Variants in NR5A2 observed in about 807,000 individuals in gnomAD.
NR5A2 encodes the protein nuclear receptor subfamily 5 group A member 2.
Under a neutral mutation model 62.7 loss-of-function variants are expected in NR5A2, and 26 were observed. The observed-to-expected ratio is 0.41, with a 90% CI of 0.30 to 0.58. NR5A2 has a LOEUF of 0.58. NR5A2 is among the 20% of genes least tolerant of loss of function. The pLI, the probability that NR5A2 is intolerant of heterozygous loss-of-function variation, is 0.22. For synonymous variants in NR5A2, 246 were observed against 241.7 expected (o/e 1.02, Z -0.16); for missense variants, 541 against 669.1 (o/e 0.81, Z 2.11).
At chr1:200,121,772 A>G (rs550202080) in intron 7 of NR5A2, among the ~76,000 whole-genome samples, 5 of 152,362 alleles carry the variant, frequency 3.3e-5, no homozygotes, top group East Asian at 3.9e-4. Flanking sequence ...CTTCCCTTGA[A>G]TGAAAAAAAT....
At chr1:200,068,584 A>G (rs952068651) in intron 5 of NR5A2, among the ~76,000 whole-genome samples, 7 of 152,272 alleles carry the variant, frequency 4.6e-5, no homozygotes, top group Admixed American at 3.3e-4. Flanking sequence ...TCTAAATTTT[A>G]TACAATTTAG....
chr1:200,073,804 C>T (rs1029297922), intron 5 of NR5A2, among the ~76,000 whole-genome samples: 4 of 152,098 alleles, frequency 2.6e-5, no homozygotes, highest in African/African-American at 9.7e-5. Context: ...AGGCACATTG[C>T]TAAGCAGCAG....
In NR5A2 at chr1:200,175,988, G is replaced by T. The variant is rs1052751768; in HGVS notation, c.*1778G>T. On this transcript the variant is annotated 3_prime_UTR_variant, in exon 8 of 8. Transcript: ENST00000367362. The stretch of plus-strand genomic sequence containing the variant: ...GTTTCTTGGTTTCACCTTTGTATAA[G>T]ATATAGCCAAGACTGAAGAAACCAA... 1 of 152,562 alleles carries T rather than the reference G, an allele frequency of 6.6e-6. No homozygotes were observed. Among genetic ancestry groups the T allele is most frequent in the African/African-American group, 2.4e-5 (1 of 41,430 alleles). The allele number at this position is 152,562 out of a possible 1,614,324, so 9.5% of individuals were successfully genotyped here. A position where few individuals can be genotyped will look rare whatever the true frequency, so the allele number is the denominator to read the frequency against.
chr1:200,142,063 A>G (rs546728804), intron 7 of NR5A2, among the ~76,000 whole-genome samples: 35 of 152,106 alleles, frequency 2.3e-4, no homozygotes, highest in African/African-American at 7.5e-4. Flanking sequence ...CTAGTTTTTA[A>G]GCTTTTTTCC....
chr1:200,043,211 A>G, intron 2 of NR5A2, among the ~76,000 whole-genome samples: 1 of 152,208 alleles, frequency 6.6e-6, no homozygotes, highest in East Asian at 1.9e-4. Context: ...AACAGATCTG[A>G]AAGTTGGGAG....
chr1:200,078,318 T>C (rs1187702155), intron 5 of NR5A2, among the ~76,000 whole-genome samples: 4 of 152,172 alleles, frequency 2.6e-5, no homozygotes, highest in Non-Finnish European at 5.9e-5. Context: ...GCTACCTTGC[T>C]TTAGAACAGG....
chr1:200,049,025 T>C (rs569708834), intron 5 of NR5A2, among the ~76,000 whole-genome samples: 3 of 152,158 alleles, frequency 2.0e-5, no homozygotes, highest in African/African-American at 7.2e-5. Flanking sequence ...AGCTCTTAGT[T>C]TGGGGGGGCT....
At chr1:200,042,969 T>G in intron 2 of NR5A2, 1 of 985,436 alleles carries the variant, frequency 1.0e-6, no homozygotes, top group Non-Finnish European at 1.2e-6. Context: ...TCTCGAGGTG[T>G]TTATATTTTG....
At chr1:200,156,023 A>C (rs1653367151) in intron 7 of NR5A2, among the ~76,000 whole-genome samples, 1 of 152,152 alleles carries the variant, frequency 6.6e-6, no homozygotes, top group Non-Finnish European at 1.5e-5. Context: ...CCCAAGATGA[A>C]AGCTTTATTA....
At chr1:200,111,660 T>A (rs1665962871) in intron 6 of NR5A2, among the ~76,000 whole-genome samples, 1 of 152,258 alleles carries the variant, frequency 6.6e-6, no homozygotes, top group African/African-American at 2.4e-5. Flanking sequence ...GACACTTGTT[T>A]GTCAGCTGTT....
intron 7 of NR5A2, among the ~76,000 whole-genome samples, chr1:200,123,613 T>A (rs1379802431): frequency 6.6e-6 from 1 of 152,204 alleles, no homozygotes; most frequent in Non-Finnish European, 1.5e-5. Context: ...AGTATAGCAG[T>A]GTTCTTAAGG....
chr1:200,168,991 T>TAACC (rs1654045145), intron 7 of NR5A2, among the ~76,000 whole-genome samples: 1 of 152,194 alleles, frequency 6.6e-6, no homozygotes, highest in Non-Finnish European at 1.5e-5. Context: ...AGAAGTATTT[T>TAACC]CTATGTGCAA....
chr1:200,056,623 T>A (rs1662927628), intron 5 of NR5A2, among the ~76,000 whole-genome samples: 1 of 152,140 alleles, frequency 6.6e-6, no homozygotes, highest in Non-Finnish European at 1.5e-5. Context: ...CAGTTTAAGC[T>A]CCCTGAAACT....
At chr1:200,125,110 A>T (rs1666645675) in intron 7 of NR5A2, among the ~76,000 whole-genome samples, 1 of 152,178 alleles carries the variant, frequency 6.6e-6, no homozygotes, top group African/African-American at 2.4e-5. Flanking sequence ...GCATTCTCCC[A>T]GTTTATGAGA....
At chr1:200,156,824 A>G (rs1352083350) in intron 7 of NR5A2, among the ~76,000 whole-genome samples, 2 of 152,238 alleles carry the variant, frequency 1.3e-5, no homozygotes, top group African/African-American at 2.4e-5. Flanking sequence ...TTCTGAGCAC[A>G]TTTAAGGCAG....
At chr1:200,164,463 A>G (rs75476124) in intron 7 of NR5A2, among the ~76,000 whole-genome samples, 188 of 152,240 alleles carry the variant, frequency 1.2e-3, no homozygotes, top group African/African-American at 4.3e-3. Context: ...ACTGACATAT[A>G]CATTACATTT....
intron 1 of NR5A2, among the ~76,000 whole-genome samples, chr1:200,035,350 G>C (rs994562667): frequency 6.6e-6 from 1 of 152,194 alleles, no homozygotes; most frequent in African/African-American, 2.4e-5. Context: ...ACCCAGGCGC[G>C]CGGGGAAAGA....
intron 5 of NR5A2, among the ~76,000 whole-genome samples, chr1:200,094,430 T>G (rs1291781718): frequency 6.6e-6 from 1 of 151,486 alleles, no homozygotes; most frequent in African/African-American, 2.4e-5. Flanking sequence ...AGCAGTCCAT[T>G]TTTTGCAACC....
At chr1:200,078,058 C>T (rs780296168) in intron 5 of NR5A2, among the ~76,000 whole-genome samples, 2 of 152,172 alleles carry the variant, frequency 1.3e-5, no homozygotes, top group East Asian at 3.9e-4. Flanking sequence ...AGTATCCTCA[C>T]GTTTCTGTGA....
Sources: allele counts gnomAD v4.1 joint callset (sites outside exome capture counted in the v4.1 genomes callset), GRCh38; gene constraint gnomAD v4.1.1; transcripts MANE v1.5; gene names NCBI Gene and HGNC (gene_info 2026-07-23, HGNC 2026-07-21).